Variants in SHLD1 observed in about 807,000 individuals in gnomAD.
The protein encoded by SHLD1 is RINN1-REV7-interacting novel NHEJ regulator 3.
SHLD1 carries 3 observed loss-of-function variants against 5.5 expected under a neutral mutation model. The ratio of observed to expected loss-of-function variants is 0.54; its 90% CI spans 0.25 to 1.40. SHLD1 has a LOEUF of 1.40. Among genes scored for constraint, SHLD1 ranks in the 40% most tolerant of loss-of-function variants. The pLI, the probability that SHLD1 is intolerant of heterozygous loss-of-function variation, is 0.15. For missense variants in SHLD1, 210 were observed against 244.4 expected (o/e 0.86, Z 0.94); for synonymous variants, 92 against 94.3 (o/e 0.98, Z 0.14).
intron 2 of SHLD1, among the ~76,000 whole-genome samples, chr20:5,784,614 C>T (rs370468557): frequency 6.6e-6 from 1 of 152,066 alleles, no homozygotes; most frequent in East Asian, 1.9e-4. Flanking sequence ...CCACGCCCGG[C>T]TAATTTTTTA....
At chr20:5,850,740 G>C (rs555421339) in intron 2 of SHLD1, among the ~76,000 whole-genome samples, 3 of 152,216 alleles carry the variant, frequency 2.0e-5, no homozygotes, top group African/African-American at 7.2e-5. Flanking sequence ...TCTAACTCCT[G>C]ACCTCGCGAT....
intron 2 of SHLD1, among the ~76,000 whole-genome samples, chr20:5,845,202 G>A (rs750238077): frequency 6.6e-6 from 1 of 152,194 alleles, no homozygotes; most frequent in Non-Finnish European, 1.5e-5. Context: ...TACTATTCTT[G>A]TTACTAAGGT....
At position 5,863,213 on chromosome 20, in the gene SHLD1, A is replaced by G. The variant is rs772295040; in HGVS notation, c.368A>G (p.Lys123Arg). 2 of 1,614,190 alleles carry G rather than the reference A, an allele frequency of 1.2e-6. No individual in the cohort carries two copies. Among genetic ancestry groups the G allele is most frequent in the Non-Finnish European group, 1.7e-6 (2 of 1,180,038 alleles). ...SANSLSASVC[K>R]CLSQKITQLR... Reference sequence around the variant, plus strand: ...AACTCACTCTCTGCATCTGTCTGCAAGTGCCTGTCTCAGAAAATCACTCAA... The same window carrying G: ...AACTCACTCTCTGCATCTGTCTGCAGGTGCCTGTCTCAGAAAATCACTCAA... Residue 123 changes from lysine (K) to arginine (R), a missense_variant, in exon 3 of 3, where the codon AAG becomes AGG. Transcript: ENST00000303142.
chr20:5,783,114 T>C (rs2085344527), intron 2 of SHLD1, among the ~76,000 whole-genome samples: 1 of 152,158 alleles, frequency 6.6e-6, no homozygotes, highest in Non-Finnish European at 1.5e-5. Flanking sequence ...GAGGACACAA[T>C]TGGGTACATT....
intron 2 of SHLD1, among the ~76,000 whole-genome samples, chr20:5,817,834 T>C (rs2087557075): frequency 6.6e-6 from 1 of 152,218 alleles, no homozygotes; most frequent in Non-Finnish European, 1.5e-5. Context: ...CACCTGAAAC[T>C]GATCTCTGTC....
intron 2 of SHLD1, among the ~76,000 whole-genome samples, chr20:5,788,897 T>C (rs1323374273): frequency 6.6e-6 from 1 of 152,154 alleles, no homozygotes; most frequent in African/African-American, 2.4e-5. Context: ...TTTGGGAGGC[T>C]GAGGCAGGTG....
At chr20:5,767,492 A>G (rs1984906218) in intron 1 of SHLD1, among the ~76,000 whole-genome samples, 1 of 151,922 alleles carries the variant, frequency 6.6e-6, no homozygotes, top group South Asian at 2.1e-4. Flanking sequence ...TCTATTCTTA[A>G]TCTCTCTGAA....
chr20:5,756,369 A>G (rs1280539429), intron 1 of SHLD1, among the ~76,000 whole-genome samples: 4 of 152,144 alleles, frequency 2.6e-5, no homozygotes, highest in Non-Finnish European at 5.9e-5. Context: ...GGACATTGCC[A>G]TCTTAAAATA....
intron 2 of SHLD1, among the ~76,000 whole-genome samples, chr20:5,831,932 G>A (rs531564572): frequency 2.0e-4 from 30 of 151,654 alleles, no homozygotes; most frequent in Non-Finnish European, 2.6e-4. Context: ...TCTCTGCCCC[G>A]TGTTCCCCAC....
At chr20:5,775,923 A>AGTTTTTTTTTTTTTTTT (rs1985401150) in intron 2 of SHLD1, among the ~76,000 whole-genome samples, 3 of 77,676 alleles carry the variant, frequency 3.9e-5, no homozygotes, top group African/African-American at 6.0e-5. Context: ...TCAGCTCAGG[A>AGTTTTTTTTTTTTTTTT]TTTTTTTTTT....
At chr20:5,845,218 T>C (rs2087918875) in intron 2 of SHLD1, among the ~76,000 whole-genome samples, 1 of 152,254 alleles carries the variant, frequency 6.6e-6, no homozygotes, top group Admixed American at 6.5e-5. Context: ...AAGGTACTAA[T>C]TATAAAGTAT....
At chr20:5,843,045 T>C (rs1482830148) in intron 2 of SHLD1, among the ~76,000 whole-genome samples, 1 of 152,170 alleles carries the variant, frequency 6.6e-6, no homozygotes, top group East Asian at 1.9e-4. Flanking sequence ...TCGGTAAAGG[T>C]AGATTTGTTT....
At chr20:5,816,110 AAG>A (rs1195062158) in intron 2 of SHLD1, among the ~76,000 whole-genome samples, 1 of 151,328 alleles carries the variant, frequency 6.6e-6, no homozygotes, top group African/African-American at 2.4e-5. Context: ...AAAAAAAAGA[AAG>A]AAAAAGAAAT....
chr20:5,809,982 G>C (rs1459390356), intron 2 of SHLD1, among the ~76,000 whole-genome samples: 2 of 152,040 alleles, frequency 1.3e-5, no homozygotes, highest in Non-Finnish European at 2.9e-5. Context: ...TGTTCGGCCA[G>C]GCGCAGTGGC....
Position 5,816,741 on chromosome 20 carries a change from A to G in SHLD1, c.178+43698A>G, listed in dbSNP as rs1316405871. On this transcript the variant is annotated intron_variant, in intron 2 of 2. Coordinates refer to ENST00000303142, the MANE Select transcript of SHLD1 (RefSeq NM_152504.4). ...GACCAGTTTAAAAACTATCACAGAT[A>G]TTCCTATTTGTCATACATTATGTTT... Among the ~76,000 whole-genome samples, 3 of 152,214 alleles carry G rather than the reference A, an allele frequency of 2.0e-5. No homozygotes were observed. In the East Asian group the frequency reaches 5.8e-4, roughly 29 times the overall value.
rs145432454 is a variant in SHLD1 at position 5,841,640 on chromosome 20, C to T, written c.179-21384C>T. ...ATGTTAATAAGGCAGTAAATGTTAT[C>T]AGTAATAACTCCATGACTCATAATT... is the stretch of plus-strand genomic sequence containing the variant. On this transcript the variant is annotated intron_variant, in intron 2 of 2. Transcript: ENST00000303142. Among the ~76,000 whole-genome samples, 378 of 152,260 alleles carry T rather than the reference C, an allele frequency of 2.5e-3. 4 individuals are homozygous for T. Among genetic ancestry groups the T allele is most frequent in the South Asian group, 0.013 (61 of 4,818 alleles).
chr20:5,763,765 T>G (rs1915852432), intron 1 of SHLD1, among the ~76,000 whole-genome samples: 1 of 151,968 alleles, frequency 6.6e-6, no homozygotes. Flanking sequence ...CTAAACTGAT[T>G]GAGACCTGTC....
At chr20:5,848,612 G>A (rs1370260037) in intron 2 of SHLD1, among the ~76,000 whole-genome samples, 1 of 152,188 alleles carries the variant, frequency 6.6e-6, no homozygotes, top group East Asian at 1.9e-4. Context: ...ATAGGACAAT[G>A]TGTTCATTGC....
chr20:5,764,289 C>T (rs1332451114), intron 1 of SHLD1, among the ~76,000 whole-genome samples: 1 of 146,422 alleles, frequency 6.8e-6, no homozygotes, highest in African/African-American at 2.5e-5. Flanking sequence ...TCCAAAGTAA[C>T]ACAGCTAAAA....
Sources: allele counts gnomAD v4.1 joint callset (sites outside exome capture counted in the v4.1 genomes callset), GRCh38; gene constraint gnomAD v4.1.1; transcripts MANE v1.5; gene names NCBI Gene and HGNC (gene_info 2026-07-23, HGNC 2026-07-21).